The following INO80 variants were observed in gnomAD, a reference collection of about 807,000 sequenced individuals.
INO80 encodes chromatin-remodeling ATPase INO80.
INO80 carries 20 observed loss-of-function variants against 203.4 expected under a neutral mutation model. The ratio of observed to expected loss-of-function variants is 0.10; its 90% CI spans 0.07 to 0.14. INO80 has a LOEUF of 0.14. Ranked by LOEUF, INO80 falls within the 10% of genes least tolerant of loss-of-function variation. The probability of loss-of-function intolerance (pLI) is 1.00; values close to 1 mark genes in which losing one functional copy is unlikely to be tolerated. For synonymous variants in INO80, 726 were observed against 685.2 expected, an observed-to-expected ratio of 1.06 and a Z score of -0.93; for missense variants, 1,419 against 1,914.4, an observed-to-expected ratio of 0.74 and a Z score of 4.83.
intron 25 of INO80, among the ~76,000 whole-genome samples, chr15:41,026,723 TGGG>T (rs1188275080): frequency 6.6e-6 from 1 of 152,146 alleles, no homozygotes; most frequent in Non-Finnish European, 1.5e-5. Context: ...AGAAATGAAC[TGGG>T]AAGACAGAAA....
intron 15 of INO80, among the ~76,000 whole-genome samples, 195 bp downstream of exon 15, chr15:41,059,672 T>A (rs964919773): frequency 1.3e-5 from 2 of 151,584 alleles, no homozygotes; most frequent in Non-Finnish European, 2.9e-5. Context: ...AGATTCTTAA[T>A]TAATCCTGGA....
At chr15:41,084,866 A>G (rs2045536820) in intron 7 of INO80, among the ~76,000 whole-genome samples, 1 of 152,106 alleles carries the variant, frequency 6.6e-6, no homozygotes, top group Admixed American at 6.6e-5. Context: ...CCACTTGCAT[A>G]GGGAGGGCTA....
chr15:41,108,647 C>CAGCTA lies in INO80; in HGVS notation c.-44+7321_-44+7325dup, dbSNP rs529972409. On this transcript the variant is annotated intron_variant, in intron 1 of 35. Transcript: ENST00000648947. ...AAAGCCACAAATAGACTAGGACAGG[C>CAGCTA]AGCTACTCACTCTGGGTCTCACTAG... Among the ~76,000 whole-genome samples, 20 of 151,222 alleles carry CAGCTA rather than the reference C, an allele frequency of 1.3e-4. No individual in the cohort carries two copies. The South Asian group carries it at 4.2e-3, about 32-fold the overall frequency.
rs574434617 is a variant in INO80 at position 41,065,227 on chromosome 15, C to T, written c.1782+4343G>A. On this transcript the variant is annotated intron_variant, in intron 14 of 35. Coordinates refer to ENST00000648947, the MANE Select transcript of INO80 (RefSeq NM_017553.3). ...CAGAGGAGGGCAGATCACCTGAGGT[C>T]AGGAGTTCAAGACCAGCCTGGCTAA... Among the ~76,000 whole-genome samples the T allele has an allele frequency of 2.0e-3, 306 of 152,174 alleles. 1 individual carries two copies. Among genetic ancestry groups the T allele is most frequent in the South Asian group, 5.0e-3 (24 of 4,824 alleles).
chr15:41,079,963 T>C, intron 8 of INO80, 59 bp from the exon 9 acceptor site: 1 of 1,455,756 alleles, frequency 6.9e-7, no homozygotes, highest in South Asian at 1.1e-5. Context: ...TGGTTCTTCC[T>C]GGACTCTAAA....
At chr15:41,109,667 C>T (rs1259288814) in intron 1 of INO80, among the ~76,000 whole-genome samples, 1 of 151,486 alleles carries the variant, frequency 6.6e-6, no homozygotes, top group East Asian at 2.0e-4. Context: ...TGCGGTGGCT[C>T]ACACCTGTAA....
chr15:41,039,899 AAT>A (rs2044641868), intron 24 of INO80, among the ~76,000 whole-genome samples: 1 of 152,240 alleles, frequency 6.6e-6, no homozygotes, highest in Non-Finnish European at 1.5e-5. Flanking sequence ...TGTAAATATT[AAT>A]ATGTGAATAC....
chr15:41,027,561 C>T (rs368242998), intron 25 of INO80, 35 bp downstream of exon 25: 105 of 1,541,548 alleles, frequency 6.8e-5, no homozygotes, highest in Non-Finnish European at 8.9e-5. Flanking sequence ...CTCCTATTGC[C>T]ATCTATTTCA....
At position 40,998,594 on chromosome 15, in the gene INO80, A is replaced by C. The variant is rs550728145; in HGVS notation, c.3498-993T>G. On this transcript the variant is annotated intron_variant, in intron 28 of 35. Coordinates refer to ENST00000648947, the MANE Select transcript of INO80 (RefSeq NM_017553.3). ...AGGTACCACTGTCACTCACTCGAGC[A>C]ACAAATATTTACGGAATGTCTTCTG... Among the ~76,000 whole-genome samples the C allele has an allele frequency of 2.6e-5, 4 of 152,290 alleles. No individual in the cohort carries two copies. In the East Asian group the frequency reaches 5.8e-4, roughly 22 times the overall value.
At chr15:40,983,696 TACCC>T in intron 34 of INO80, 62 bp downstream of exon 34, 1 of 1,426,746 alleles carries the variant, frequency 7.0e-7, no homozygotes. Context: ...ATCAGGACCT[TACCC>T]ACAACCAAAC....
At chr15:41,050,151 A>C in intron 19 of INO80, 49 bp from the exon 20 acceptor site, 1 of 1,371,224 alleles carries the variant, frequency 7.3e-7, no homozygotes, top group South Asian at 1.2e-5. Context: ...TTTTTAAGAA[A>C]ATTCAGCATC....
intron 24 of INO80, among the ~76,000 whole-genome samples, chr15:41,037,898 G>A (rs929087675): frequency 9.9e-5 from 15 of 151,474 alleles, no homozygotes; most frequent in African/African-American, 3.6e-4. Flanking sequence ...AGCCAAGATT[G>A]TGCCACTGCA....
chr15:40,985,510 CT>C (rs1342727552), intron 31 of INO80, 84 bp from the exon 32 acceptor site: 2 of 974,650 alleles, frequency 2.1e-6, no homozygotes, highest in African/African-American at 1.6e-5. Flanking sequence ...GCCATATCCC[CT>C]GATGTTTATT....
At chr15:41,040,000 T>A (rs2044643316) in intron 24 of INO80, among the ~76,000 whole-genome samples, 1 of 152,058 alleles carries the variant, frequency 6.6e-6, no homozygotes, top group African/African-American at 2.4e-5. Flanking sequence ...ATCAAAACAT[T>A]TGGGGACTAC....
intron 34 of INO80, chr15:40,983,301 C>T: frequency 1.9e-6 from 1 of 536,804 alleles, no homozygotes; most frequent in East Asian, 3.2e-5. Context: ...AGCTGCTTTT[C>T]ATTCTGAAGA....
intron 14 of INO80, among the ~76,000 whole-genome samples, 157 bp from the exon 15 acceptor site, chr15:41,060,083 T>C (rs917168009): frequency 1.3e-5 from 2 of 152,220 alleles, no homozygotes; most frequent in African/African-American, 2.4e-5. Flanking sequence ...ACCAACCCTG[T>C]TGTCCAAATA....
intron 7 of INO80, among the ~76,000 whole-genome samples, chr15:41,083,150 T>G (rs2045509575): frequency 6.6e-6 from 1 of 151,276 alleles, no homozygotes; most frequent in South Asian, 2.1e-4. Flanking sequence ...CCAGGTGTCG[T>G]GGCGGGTGCC....
intron 4 of INO80, among the ~76,000 whole-genome samples, chr15:41,095,390 A>G (rs1450338628): frequency 6.6e-6 from 1 of 152,184 alleles, no homozygotes; most frequent in Non-Finnish European, 1.5e-5. Flanking sequence ...CAGATTAGCA[A>G]TACTCAACCT....
At chr15:41,095,475 C>T in intron 4 of INO80, 126 bp downstream of exon 4, 1 of 684,348 alleles carries the variant, frequency 1.5e-6, no homozygotes, top group South Asian at 1.9e-5. Context: ...AAAAAAACCA[C>T]ATCCAGTATA....
Sources: allele counts gnomAD v4.1 joint callset (sites outside exome capture counted in the v4.1 genomes callset), GRCh38; gene constraint gnomAD v4.1.1; transcripts MANE v1.5; gene names NCBI Gene and HGNC (gene_info 2026-07-23, HGNC 2026-07-21).